Variants in ARSG observed in about 807,000 individuals in gnomAD.
ARSG encodes ASG.
ARSG carries 37 observed loss-of-function variants against 50.5 expected under a neutral mutation model. That is an observed-to-expected ratio of 0.73 (90% CI 0.56 to 0.96). The LOEUF is 0.96. Ranked by LOEUF, ARSG falls within the 50% of genes least tolerant of loss-of-function variation. The pLI, the probability that ARSG is intolerant of heterozygous loss-of-function variation, is 0.00. For missense variants in ARSG, 629 were observed against 675.3 expected (o/e 0.93, Z 0.76); for synonymous variants, 225 against 254.6 (o/e 0.88, Z 1.11).
chr17:68,359,763 C>T (rs1262720387), intron 6 of ARSG: 1 of 152,186 alleles, frequency 6.6e-6, no homozygotes, highest in Non-Finnish European at 1.5e-5. Flanking sequence ...GGTAATAAAA[C>T]CTATTTAAGG....
chr17:68,430,040 T>C, the ARSG span: 1 of 1,614,226 alleles, frequency 6.2e-7, no homozygotes, highest in Non-Finnish European at 8.5e-7. Context: ...AGTTCAAGCG[T>C]GCAGTGGCAA....
At position 68,370,327 on chromosome 17, in the gene ARSG, A is replaced by G. The variant is rs917140275; in HGVS notation, c.902-117A>G. 4 of 850,802 alleles carry G rather than the reference A, an allele frequency of 4.7e-6. No homozygotes were observed. The African/African-American group carries it at 6.8e-5, about 15-fold the overall frequency. The allele number at this position is 850,802 out of a possible 1,614,324, so 52.7% of individuals were successfully genotyped here. ...CTGCACTAGGCCCATGTTTGTCTTT[A>G]TAAGTCCTTTTTCTATCTAGTTCCT... On this transcript the variant is annotated intron_variant, in intron 7 of 11. Transcript: ENST00000621439.
At chr17:68,305,099 A>C (rs1395916453) in intron 1 of ARSG, among the ~76,000 whole-genome samples, 1 of 152,206 alleles carries the variant, frequency 6.6e-6, no homozygotes, top group Non-Finnish European at 1.5e-5. Flanking sequence ...GTTTGAACCC[A>C]GGAGTTTGAG....
intron 2 of ARSG, among the ~76,000 whole-genome samples, chr17:68,336,284 A>G (rs2078015916): frequency 1.3e-5 from 2 of 150,404 alleles, no homozygotes; most frequent in Admixed American, 1.3e-4. Flanking sequence ...ATCTCAGCTC[A>G]CTGCAACCTC....
At chr17:68,406,104 A>G (rs114991605) in intron 11 of ARSG, among the ~76,000 whole-genome samples, 2,576 of 152,178 alleles carry the variant, frequency 0.017, 83 homozygotes, top group African/African-American at 0.059. Flanking sequence ...TGTCCTCCTC[A>G]TAACTTAGCT....
intron 2 of ARSG, 72 bp from the exon 3 acceptor site, chr17:68,343,532 T>G: frequency 1.5e-6 from 2 of 1,363,524 alleles, no homozygotes; most frequent in East Asian, 2.4e-5. Flanking sequence ...AGGAACTGAG[T>G]GGGCACTGCC....
chr17:68,422,053 GTGTA>G (rs1241683039), downstream of ARSG: 11 of 566,982 alleles, frequency 1.9e-5, no homozygotes, highest in African/African-American at 1.9e-4. Flanking sequence ...CTGTGTGTGT[GTGTA>G]TGTATTTATA....
chr17:68,421,907 G>A (rs914066289), downstream of ARSG: 1 of 1,554,702 alleles, frequency 6.4e-7, no homozygotes, highest in Non-Finnish European at 8.9e-7. Flanking sequence ...TGCCCATGCA[G>A]AGTGAGCAGG....
chr17:68,380,465 C>T (rs2080379300), intron 8 of ARSG, among the ~76,000 whole-genome samples: 1 of 152,014 alleles, frequency 6.6e-6, no homozygotes, highest in Non-Finnish European at 1.5e-5. Context: ...ACACGGGTCT[C>T]ACTATGTTGC....
chr17:68,375,762 G>A (rs1385944685), intron 8 of ARSG, among the ~76,000 whole-genome samples: 6 of 152,110 alleles, frequency 3.9e-5, no homozygotes, highest in African/African-American at 1.4e-4. Context: ...GGGCAGGGGT[G>A]GGAACATCGG....
chr17:68,316,117 T>G (rs973540553), intron 2 of ARSG, among the ~76,000 whole-genome samples: 7 of 152,210 alleles, frequency 4.6e-5, no homozygotes, highest in African/African-American at 9.6e-5. Context: ...TCCTTGAACA[T>G]ATGCTTTTCC....
chr17:68,298,743 T>C (rs1555759705), intron 1 of ARSG, among the ~76,000 whole-genome samples: 1 of 152,160 alleles, frequency 6.6e-6, no homozygotes, highest in African/African-American at 2.4e-5. Flanking sequence ...CTTCCTGGCC[T>C]GCAGACAGCC....
chr17:68,274,291 C>A (rs1266074688), intron 1 of ARSG: 6 of 404,442 alleles, frequency 1.5e-5, no homozygotes, highest in Non-Finnish European at 2.3e-5. Context: ...CATGGTGAAA[C>A]CCCGTCTCTA....
chr17:68,313,338 GT>G (rs1330161503), intron 2 of ARSG, among the ~76,000 whole-genome samples: 2 of 152,108 alleles, frequency 1.3e-5, no homozygotes, highest in Non-Finnish European at 2.9e-5. Context: ...CAAAATCAAG[GT>G]TATGACTGAA....
At chr17:68,302,093 G>T (rs2076440232) in intron 1 of ARSG, among the ~76,000 whole-genome samples, 1 of 152,112 alleles carries the variant, frequency 6.6e-6, no homozygotes, top group African/African-American at 2.4e-5. Flanking sequence ...ACTATGCCTG[G>T]TTTAAAATCT....
chr17:68,415,299 G>C (rs527875434), intron 11 of ARSG, among the ~76,000 whole-genome samples: 1 of 152,290 alleles, frequency 6.6e-6, no homozygotes, highest in South Asian at 2.1e-4. Context: ...TTAGGAGCAG[G>C]TTATATAATT....
chr17:68,277,981 C>T (rs901086170), intron 1 of ARSG: 41 of 701,946 alleles, frequency 5.8e-5, no homozygotes, highest in African/African-American at 1.1e-4. Context: ...GACCAACAGG[C>T]GTATAAGGGA....
At chr17:68,426,228 CATGA>C, downstream of ARSG, 2 of 984,656 alleles carry the variant, frequency 2.0e-6, no homozygotes, top group Non-Finnish European at 1.5e-6. Context: ...GCTTTTATGC[CATGA>C]CCTGGCGGGT....
chr17:68,416,525 C>T (rs2082374276), intron 11 of ARSG, among the ~76,000 whole-genome samples: 1 of 152,246 alleles, frequency 6.6e-6, no homozygotes, highest in East Asian at 1.9e-4. Context: ...CTAGCAAGGC[C>T]AGGGAAGTTT....
Sources: allele counts gnomAD v4.1 joint callset (sites outside exome capture counted in the v4.1 genomes callset), GRCh38; gene constraint gnomAD v4.1.1; transcripts MANE v1.5; gene names NCBI Gene and HGNC (gene_info 2026-07-23, HGNC 2026-07-21).